Variants in MAST2 observed in about 807,000 individuals in gnomAD.
The protein encoded by MAST2 is microtubule-associated serine/threonine-protein kinase 2.
Under a neutral mutation model 147.4 loss-of-function variants are expected in MAST2, and 70 were observed. That is an observed-to-expected ratio of 0.47 (90% CI 0.39 to 0.58). The LOEUF (loss-of-function observed/expected upper bound fraction) is 0.58. Ranked by LOEUF, MAST2 falls within the 20% of genes least tolerant of loss-of-function variation. MAST2 has a pLI of 0.00. For missense variants in MAST2, 2,080 were observed against 2,302.3 expected (o/e 0.90, Z 1.98); for synonymous variants, 869 against 896.8 (o/e 0.97, Z 0.55).
At chr1:45,874,537 A>G (rs1173880450) in intron 3 of MAST2, among the ~76,000 whole-genome samples, 1 of 152,218 alleles carries the variant, frequency 6.6e-6, no homozygotes, top group African/African-American at 2.4e-5. Context: ...ATTGCAATTG[A>G]TAGTTTTCAT....
At chr1:45,917,302 CTGACCT>C (rs1254283765) in intron 4 of MAST2, 1 of 1,318,986 alleles carries the variant, frequency 7.6e-7, no homozygotes, top group Non-Finnish European at 1.0e-6. Context: ...AAAGTTATCA[CTGACCT>C]TGTTTTTTTC....
Position 46,029,562 on chromosome 1 carries a change from G to T in MAST2, c.2315G>T (p.Gly772Val). The change falls in exon 19 of 29, where the codon GGC becomes GTC. Residue 772 changes from glycine to valine, a missense_variant. Transcript: ENST00000361297. ...LLHQNPLERL[G>V]TGSAYEVKQH... ...CACCAGAACCCTCTGGAGAGACTTG[G>T]CACAGGTAGGGCAGGCCCTGCTAAC... 6.2e-7 allele frequency: 1 copy of T among 1,613,874 alleles called. No homozygotes were observed. The highest frequency in any genetic ancestry group is 8.5e-7 in the Non-Finnish European group (1 of 1,179,864).
chr1:45,848,329 C>T (rs1352367229), intron 3 of MAST2, among the ~76,000 whole-genome samples: 1 of 152,164 alleles, frequency 6.6e-6, no homozygotes, highest in African/African-American at 2.4e-5. Flanking sequence ...GAGTGACTTA[C>T]TGTGCAAACA....
At chr1:46,032,489 G>C (rs1025457459) in intron 25 of MAST2, 85 bp downstream of exon 25, 1 of 1,594,332 alleles carries the variant, frequency 6.3e-7, no homozygotes, top group East Asian at 2.2e-5. Context: ...GTCCCTGCTC[G>C]GGGGTCAAAG....
chr1:45,983,780 A>G (rs1343130691), intron 5 of MAST2, among the ~76,000 whole-genome samples: 1 of 152,174 alleles, frequency 6.6e-6, no homozygotes. Flanking sequence ...TTTACAAAAT[A>G]TGTTCCAAAT....
At chr1:45,930,755 A>G (rs939035378) in intron 4 of MAST2, among the ~76,000 whole-genome samples, 19 of 152,316 alleles carry the variant, frequency 1.2e-4, no homozygotes, top group Non-Finnish European at 2.4e-4. Context: ...GGTCAGCAAA[A>G]TAAACCCCAT....
chr1:45,888,793 C>T (rs138491322), intron 4 of MAST2, among the ~76,000 whole-genome samples: 10,761 of 148,682 alleles, frequency 0.072, 550 homozygotes, highest in Middle Eastern at 0.14. Context: ...GTGATTCTTC[C>T]GCCTCAGCCT....
At chr1:45,945,057 A>C (rs759059701) in intron 4 of MAST2, among the ~76,000 whole-genome samples, 2 of 152,154 alleles carry the variant, frequency 1.3e-5, no homozygotes, top group Non-Finnish European at 2.9e-5. Context: ...CCCAGCATTT[A>C]GGGAGACTGA....
Position 46,032,694 on chromosome 1 carries a change from G to A in MAST2, c.3513G>A (p.Thr1171=), listed in dbSNP as rs748841825. ...AACCTGTGCATGGCCTGGTGCACAC[G>A]GAGGTGGTAGAGCTGATCCTGAAGG... ...NGEPVHGLVH[T]EVVELILKSG... Residue 1171 remains threonine (T), a synonymous_variant, in exon 26 of 29, where the codon ACG becomes ACA. Coordinates refer to ENST00000361297, the MANE Select transcript of MAST2 (RefSeq NM_015112.3). 1.4e-5 allele frequency: 22 copies of A among 1,613,872 alleles called. No homozygotes were observed. Among genetic ancestry groups the A allele is most frequent in the Admixed American group, 1.2e-4 (7 of 59,996 alleles).
chr1:45,955,861 A>G (rs1659582556), intron 4 of MAST2, among the ~76,000 whole-genome samples: 1 of 152,166 alleles, frequency 6.6e-6, no homozygotes, highest in Admixed American at 6.5e-5. Context: ...TTTTAAATGG[A>G]AGAGGGACAT....
intron 4 of MAST2, among the ~76,000 whole-genome samples, chr1:45,937,751 C>CAAAAAAAAAAAAAAAAAAAAA (rs34830747): frequency 1.4e-5 from 1 of 73,222 alleles, no homozygotes; most frequent in African/African-American, 5.4e-5. Flanking sequence ...AACTCCATCT[C>CAAAAAAAAAAAAAAAAAAAAA]AAAAAAAAAA....
chr1:45,915,458 C>T (rs10890367), intron 4 of MAST2, among the ~76,000 whole-genome samples: 67,668 of 152,016 alleles, frequency 0.45, 15,276 homozygotes, highest in East Asian at 0.63. Flanking sequence ...CGCCAGTAAT[C>T]CCAGCACTTT....
At chr1:45,847,422 T>A (rs1026526586) in intron 3 of MAST2, 8 of 553,550 alleles carry the variant, frequency 1.4e-5, no homozygotes, top group Non-Finnish European at 2.8e-5. Flanking sequence ...TTGGGGGGGA[T>A]CAAGATGATT....
chr1:45,855,120 G>T (rs1013863577), intron 3 of MAST2, among the ~76,000 whole-genome samples: 2 of 152,162 alleles, frequency 1.3e-5, no homozygotes, highest in Non-Finnish European at 2.9e-5. Context: ...GAGGTGGAAA[G>T]TTCCAATTTT....
chr1:45,811,498 T>C (rs1322497603), intron 1 of MAST2, among the ~76,000 whole-genome samples: 267 of 124,268 alleles, frequency 2.1e-3, no homozygotes, highest in Middle Eastern at 0.013. Flanking sequence ...ACCACCACGC[T>C]CGGCTAATTT....
Position 46,035,880 on chromosome 1 carries a change from G to C in MAST2, c.5211G>C (p.Glu1737Asp). The C allele has an allele frequency of 6.2e-7, 1 of 1,614,122 alleles. No homozygotes were observed. The highest frequency in any genetic ancestry group is 1.3e-5 in the African/African-American group (1 of 75,024). ...CTGAGTGTGCACAAGCAGTGAAAGA[G>C]GATCCAGCCCTGAGCATCACCCAAG... ...WESECAQAVK[E>D]DPALSITQVP... The change falls in exon 29 of 29, where the codon GAG becomes GAC. Residue 1737 changes from glutamate (E) to aspartate (D), a missense_variant. Glu to Asp is a conservative substitution (Grantham distance 45, BLOSUM62 2). Around this residue, in one of 4 missense-constraint regions of MAST2, gnomAD observed 1,278 missense variants for 1,304.2 expected, o/e 0.98. Coordinates refer to ENST00000361297, the MANE Select transcript of MAST2 (RefSeq NM_015112.3). This position sits in a 1 kb window ranked among gnomAD's most constrained non-coding sequence, Gnocchi z 5.5.
chr1:45,936,256 C>T (rs1047965102), intron 4 of MAST2, among the ~76,000 whole-genome samples: 2 of 152,154 alleles, frequency 1.3e-5, no homozygotes, highest in African/African-American at 4.8e-5. Flanking sequence ...TATCCTGAAA[C>T]TTTGCTGAAG....
chr1:46,016,280 A>G (rs1046488729), intron 10 of MAST2, among the ~76,000 whole-genome samples: 1 of 147,232 alleles, frequency 6.8e-6, no homozygotes, highest in African/African-American at 2.5e-5. Context: ...CAAGACAGGG[A>G]TGCCCTCTCT....
At chr1:45,807,251 T>A (rs907853215) in intron 1 of MAST2, among the ~76,000 whole-genome samples, 4 of 152,186 alleles carry the variant, frequency 2.6e-5, no homozygotes, top group Non-Finnish European at 5.9e-5. Context: ...CTCTTGTGTG[T>A]CTTTGTCTTG....
Sources: allele counts gnomAD v4.1 joint callset (sites outside exome capture counted in the v4.1 genomes callset), GRCh38; gene constraint gnomAD v4.1.1; regional missense constraint gnomAD v4.1.1; non-coding constraint Gnocchi (gnomAD v3.1); transcripts MANE v1.5; gene names NCBI Gene and HGNC (gene_info 2026-07-23, HGNC 2026-07-21).